Variants in KLHL32 observed in about 807,000 individuals in gnomAD.
KLHL32 encodes kelch-like protein 32.
KLHL32 carries 35 observed loss-of-function variants against 64.8 expected under a neutral mutation model. The ratio of observed to expected loss-of-function variants is 0.54; its 90% CI spans 0.41 to 0.72. The LOEUF (loss-of-function observed/expected upper bound fraction) is 0.72, where lower values mean the gene tolerates loss of function less well. KLHL32 is among the 30% of genes least tolerant of loss of function. The pLI is 0.00. For synonymous variants in KLHL32, 259 were observed against 281.0 expected (o/e 0.92, Z 0.78); for missense variants, 589 against 768.5 (o/e 0.77, Z 2.76).
intron 3 of KLHL32, among the ~76,000 whole-genome samples, chr6:97,021,362 A>C (rs1238082843): frequency 6.6e-6 from 1 of 150,834 alleles, no homozygotes; most frequent in Non-Finnish European, 1.5e-5. Flanking sequence ...AGGAGAGCCG[A>C]TGATGTAGTT....
chr6:97,012,253 C>G (rs1780508186), intron 3 of KLHL32, among the ~76,000 whole-genome samples: 1 of 152,122 alleles, frequency 6.6e-6, no homozygotes, highest in Non-Finnish European at 1.5e-5. Flanking sequence ...CTTGAGGTGG[C>G]AATACTATCC....
At chr6:97,088,476 T>C (rs1395764897) in intron 6 of KLHL32, among the ~76,000 whole-genome samples, 1 of 152,216 alleles carries the variant, frequency 6.6e-6, no homozygotes, top group Non-Finnish European at 1.5e-5. Context: ...ATATCTTCTG[T>C]TAGATTTTGC....
intron 3 of KLHL32, among the ~76,000 whole-genome samples, chr6:97,033,939 A>G (rs576609658): frequency 1.8e-4 from 28 of 152,126 alleles, no homozygotes; most frequent in East Asian, 3.9e-4. Context: ...TTAACCCTTT[A>G]TCAGATATAT....
chr6:96,952,513 T>A (rs1772745735), intron 1 of KLHL32, among the ~76,000 whole-genome samples: 1 of 152,270 alleles, frequency 6.6e-6, no homozygotes, highest in African/African-American at 2.4e-5. Flanking sequence ...TAGGCCCAGC[T>A]AACCATGGGA....
chr6:96,900,077 G>A, the KLHL32 span, among the ~76,000 whole-genome samples: 1 of 152,164 alleles, frequency 6.6e-6, no homozygotes, highest in African/African-American at 2.4e-5. Flanking sequence ...AAGACAAGTA[G>A]GATCCCTGAG....
the KLHL32 span, among the ~76,000 whole-genome samples, chr6:96,906,140 G>C: frequency 6.6e-6 from 1 of 152,172 alleles, no homozygotes; most frequent in Non-Finnish European, 1.5e-5. Context: ...GTTAGGTGAG[G>C]CAGGGAGGCA....
intron 1 of KLHL32, among the ~76,000 whole-genome samples, chr6:96,956,015 A>G (rs773807598): frequency 1.1e-4 from 16 of 152,214 alleles, no homozygotes; most frequent in Admixed American, 2.0e-4. Flanking sequence ...TTACAGTTCC[A>G]TGTCATGTGG....
chr6:96,950,649 G>A (rs1350236947), intron 1 of KLHL32, among the ~76,000 whole-genome samples: 2 of 152,108 alleles, frequency 1.3e-5, no homozygotes, highest in African/African-American at 2.4e-5. Context: ...GTTAGTGAAC[G>A]ACTAGTTACA....
At chr6:96,959,933 G>A (rs563554521) in intron 1 of KLHL32, among the ~76,000 whole-genome samples, 1 of 152,154 alleles carries the variant, frequency 6.6e-6, no homozygotes, top group African/African-American at 2.4e-5. Context: ...AGCACTTCAG[G>A]GTATGACTGT....
At chr6:97,111,931 T>C (rs1386344259) in intron 6 of KLHL32, among the ~76,000 whole-genome samples, 2 of 152,062 alleles carry the variant, frequency 1.3e-5, no homozygotes, top group Non-Finnish European at 2.9e-5. Context: ...GCCACTTCTC[T>C]CCAACTATAG....
chr6:97,077,121 A>G (rs1791718628), intron 5 of KLHL32, among the ~76,000 whole-genome samples: 1 of 152,180 alleles, frequency 6.6e-6, no homozygotes, highest in African/African-American at 2.4e-5. Context: ...TGATACAAAT[A>G]GCAAGTGCAA....
intron 3 of KLHL32, among the ~76,000 whole-genome samples, chr6:97,027,353 G>T (rs1455390566): frequency 1.3e-5 from 2 of 152,134 alleles, no homozygotes; most frequent in African/African-American, 4.8e-5. Flanking sequence ...CAACGGGGCT[G>T]CAGGAAGCCA....
intron 1 of KLHL32, among the ~76,000 whole-genome samples, chr6:96,961,116 A>C (rs897944818): frequency 6.6e-6 from 1 of 152,214 alleles, no homozygotes; most frequent in African/African-American, 2.4e-5. Context: ...ATAGCAAAGA[A>C]GACATATTTG....
At chr6:97,050,933 G>A (rs1014194317) in intron 4 of KLHL32, among the ~76,000 whole-genome samples, 11 of 152,184 alleles carry the variant, frequency 7.2e-5, no homozygotes, top group African/African-American at 2.7e-4. Flanking sequence ...AACTCGGGAA[G>A]TGGAGGCTGC....
intron 5 of KLHL32, among the ~76,000 whole-genome samples, chr6:97,074,855 C>G (rs937504288): frequency 6.6e-6 from 1 of 150,832 alleles, no homozygotes; most frequent in African/African-American, 2.4e-5. Context: ...AAACTATTTT[C>G]AATTAAAAGA....
At chr6:97,004,425 A>G (rs1779414315) in intron 3 of KLHL32, among the ~76,000 whole-genome samples, 2 of 152,226 alleles carry the variant, frequency 1.3e-5, no homozygotes, top group Non-Finnish European at 2.9e-5. Context: ...ATCAGCAAAC[A>G]GGGATAGTTT....
intron 4 of KLHL32, among the ~76,000 whole-genome samples, chr6:97,058,588 C>T (rs979620247): frequency 6.6e-6 from 1 of 152,222 alleles, no homozygotes; most frequent in African/African-American, 2.4e-5. Context: ...TCTTTTACAG[C>T]TATGTGTAGC....
chr6:97,081,307 G>A (rs1444271635), intron 5 of KLHL32, among the ~76,000 whole-genome samples: 1 of 152,104 alleles, frequency 6.6e-6, no homozygotes, highest in Non-Finnish European at 1.5e-5. Context: ...CTGGTTGTCT[G>A]GTACTTGGCC....
At chr6:97,127,581 G>A (rs1409365811) in intron 8 of KLHL32, 119 bp downstream of exon 8, 1 of 849,120 alleles carries the variant, frequency 1.2e-6, no homozygotes, top group South Asian at 1.6e-5. Context: ...AGCTTATATA[G>A]AGAAAAGGAA....
Sources: gnomAD v4.1 joint callset for allele counts (sites outside exome capture counted in the v4.1 genomes callset) on GRCh38, gnomAD v4.1.1 for gene constraint, MANE v1.5 for transcripts, NCBI Gene and HGNC (gene_info 2026-07-23, HGNC 2026-07-21) for gene names.